The following ARHGAP15 variants were observed in gnomAD, a reference collection of about 807,000 sequenced individuals.
The protein encoded by ARHGAP15 is Rho GTPase activating protein 15, also known as rho GTPase-activating protein 15.
In ARHGAP15, 51 loss-of-function variants were observed where a neutral mutation model predicts 63.7. The observed-to-expected ratio is 0.80, with a 90% CI of 0.64 to 1.01. The LOEUF (loss-of-function observed/expected upper bound fraction) is 1.01, where lower values mean the gene tolerates loss of function less well. Ranked by LOEUF, ARHGAP15 falls within the 50% of genes least tolerant of loss-of-function variation. ARHGAP15 has a pLI of 0.00. For synonymous variants in ARHGAP15, 191 were observed against 193.8 expected (o/e 0.99, Z 0.12); for missense variants, 560 against 564.6 (o/e 0.99, Z 0.08).
intron 8 of ARHGAP15, among the ~76,000 whole-genome samples, chr2:143,466,513 A>T (rs529146838): frequency 6.6e-6 from 1 of 152,214 alleles, no homozygotes; most frequent in South Asian, 2.1e-4. Context: ...AGTATTTTAC[A>T]TAATGGGCTT....
At chr2:143,600,619 A>G (rs1167488766) in intron 11 of ARHGAP15, among the ~76,000 whole-genome samples, 1 of 152,140 alleles carries the variant, frequency 6.6e-6, no homozygotes, top group Non-Finnish European at 1.5e-5. Context: ...TATTGCTTTA[A>G]ATTGTTTTTA....
At chr2:143,161,116 G>T (rs971090892) in intron 2 of ARHGAP15, among the ~76,000 whole-genome samples, 10 of 152,078 alleles carry the variant, frequency 6.6e-5, no homozygotes, top group South Asian at 2.1e-4. Flanking sequence ...AACCTACAAA[G>T]TAATGAATAA....
chr2:143,471,103 G>GTA (rs1189208209), intron 8 of ARHGAP15, among the ~76,000 whole-genome samples: 5 of 147,658 alleles, frequency 3.4e-5, no homozygotes, highest in Non-Finnish European at 7.5e-5. Flanking sequence ...ATACACATGT[G>GTA]TATATATACA....
At chr2:143,173,427 C>T (rs1690879276) in intron 2 of ARHGAP15, among the ~76,000 whole-genome samples, 1 of 151,646 alleles carries the variant, frequency 6.6e-6, no homozygotes, top group African/African-American at 2.4e-5. Flanking sequence ...TTTAACTTTC[C>T]CATAAACATA....
chr2:143,307,086 TTA>T (rs1214927052), intron 6 of ARHGAP15, among the ~76,000 whole-genome samples: 1 of 152,080 alleles, frequency 6.6e-6, no homozygotes, highest in African/African-American at 2.4e-5. Context: ...CCCATACACT[TTA>T]TGACATAGCT....
chr2:143,258,723 A>G (rs1312226074), intron 6 of ARHGAP15, among the ~76,000 whole-genome samples: 1 of 152,156 alleles, frequency 6.6e-6, no homozygotes, highest in Non-Finnish European at 1.5e-5. Context: ...CTCTTTTCAG[A>G]TAACACTGAT....
At chr2:143,468,653 A>AGT (rs1691359343) in intron 8 of ARHGAP15, among the ~76,000 whole-genome samples, 1 of 128,534 alleles carries the variant, frequency 7.8e-6, no homozygotes, top group African/African-American at 2.9e-5. Flanking sequence ...AGAGAGAGAG[A>AGT]GAGAGAGAGA....
chr2:143,207,842 A>C (rs1692401523), intron 3 of ARHGAP15, among the ~76,000 whole-genome samples: 1 of 152,126 alleles, frequency 6.6e-6, no homozygotes, highest in Non-Finnish European at 1.5e-5. Flanking sequence ...TCACATTGAC[A>C]CTTGAATTAT....
intron 8 of ARHGAP15, among the ~76,000 whole-genome samples, chr2:143,452,041 C>T (rs1027401993): frequency 6.6e-6 from 1 of 151,960 alleles, no homozygotes; most frequent in African/African-American, 2.4e-5. Flanking sequence ...CAACTTTCCT[C>T]CTTTGCCACT....
At chr2:143,403,233 A>T (rs1459683109) in intron 6 of ARHGAP15, among the ~76,000 whole-genome samples, 2 of 151,800 alleles carry the variant, frequency 1.3e-5, no homozygotes, top group Non-Finnish European at 2.9e-5. Context: ...GAAACCAATA[A>T]GACCGTTTGA....
intron 2 of ARHGAP15, among the ~76,000 whole-genome samples, chr2:143,185,572 TC>T (rs1377872311): frequency 6.6e-6 from 1 of 152,186 alleles, no homozygotes; most frequent in African/African-American, 2.4e-5. Flanking sequence ...TGTGTTTCCT[TC>T]AGGTGTGTTT....
intron 12 of ARHGAP15, among the ~76,000 whole-genome samples, chr2:143,668,197 G>C (rs1574810532): frequency 6.6e-6 from 1 of 151,344 alleles, no homozygotes; most frequent in East Asian, 2.0e-4. Context: ...TAGATATTCA[G>C]ATTTATCTGG....
chr2:143,692,742 C>G (rs573651660), intron 12 of ARHGAP15, among the ~76,000 whole-genome samples: 1 of 152,278 alleles, frequency 6.6e-6, no homozygotes, highest in South Asian at 2.1e-4. Context: ...GTTAATTTCA[C>G]AAATGACCTC....
chr2:143,669,701 C>T (rs867504948), intron 12 of ARHGAP15, among the ~76,000 whole-genome samples: 6 of 152,102 alleles, frequency 3.9e-5, no homozygotes, highest in African/African-American at 7.2e-5. Context: ...TTTCAACATA[C>T]GAATTTTGAG....
chr2:143,255,293 C>T (rs1357554125), intron 6 of ARHGAP15, among the ~76,000 whole-genome samples: 2 of 151,874 alleles, frequency 1.3e-5, no homozygotes, highest in Admixed American at 6.6e-5. Flanking sequence ...CAATTTGTAA[C>T]CTCAACAAAT....
chr2:143,627,681 A>T (rs958012992), intron 12 of ARHGAP15, among the ~76,000 whole-genome samples: 17 of 152,090 alleles, frequency 1.1e-4, no homozygotes, highest in Admixed American at 3.3e-4. Flanking sequence ...AGGTAAAGTA[A>T]ATTCACAGGA....
intron 9 of ARHGAP15, among the ~76,000 whole-genome samples, chr2:143,509,852 C>T (rs1693498943): frequency 6.6e-6 from 1 of 151,786 alleles, no homozygotes; most frequent in Non-Finnish European, 1.5e-5. Context: ...GAAACCCCAT[C>T]TCAACTAAAA....
At chr2:143,403,742 G>A (rs1190540374) in intron 6 of ARHGAP15, among the ~76,000 whole-genome samples, 2 of 151,730 alleles carry the variant, frequency 1.3e-5, no homozygotes, top group African/African-American at 2.4e-5. Context: ...CTGTGTGTGT[G>A]TAATTTTAAA....
intron 13 of ARHGAP15, among the ~76,000 whole-genome samples, chr2:143,746,710 T>C (rs946724222): frequency 6.6e-6 from 1 of 152,208 alleles, no homozygotes; most frequent in Non-Finnish European, 1.5e-5. Context: ...CATATGTGAA[T>C]GAAATAACTT....
Sources: allele counts gnomAD v4.1 joint callset (sites outside exome capture counted in the v4.1 genomes callset), GRCh38; gene constraint gnomAD v4.1.1; transcripts MANE v1.5; gene names NCBI Gene and HGNC (gene_info 2026-07-23, HGNC 2026-07-21).